Variants in TRABD2B observed in about 807,000 individuals in gnomAD.
The protein encoded by TRABD2B is metalloprotease TIKI2.
Under a neutral mutation model 40.1 loss-of-function variants are expected in TRABD2B, and 14 were observed. That is an observed-to-expected ratio of 0.35 (90% CI 0.23 to 0.55). The LOEUF is 0.55. Ranked by LOEUF, TRABD2B falls within the 20% of genes least tolerant of loss-of-function variation. The pLI is 0.90. For synonymous variants in TRABD2B, 263 were observed against 277.0 expected (o/e 0.95, Z 0.50); for missense variants, 541 against 648.6 (o/e 0.83, Z 1.80).
intron 2 of TRABD2B, among the ~76,000 whole-genome samples, chr1:47,923,937 C>G (rs943492975): frequency 6.7e-6 from 1 of 150,038 alleles, no homozygotes; most frequent in Non-Finnish European, 1.5e-5. Context: ...CACACACACA[C>G]ACACACACAC....
chr1:47,888,541 G>T (rs999576649), intron 2 of TRABD2B, among the ~76,000 whole-genome samples: 4 of 152,198 alleles, frequency 2.6e-5, no homozygotes, highest in Non-Finnish European at 5.9e-5. Flanking sequence ...CCCTTCTTCA[G>T]ATCTCCTCTG....
intron 2 of TRABD2B, among the ~76,000 whole-genome samples, chr1:47,861,019 G>A (rs1643959579): frequency 1.3e-5 from 2 of 152,150 alleles, no homozygotes; most frequent in African/African-American, 2.4e-5. Context: ...ATAGACCAAT[G>A]GAATGTTAGC....
intron 2 of TRABD2B, among the ~76,000 whole-genome samples, chr1:47,844,667 A>AT (rs1328789761): frequency 6.6e-6 from 1 of 152,188 alleles, no homozygotes; most frequent in African/African-American, 2.4e-5. Flanking sequence ...GCATAAAGTG[A>AT]TGTGAGTCCC....
intron 2 of TRABD2B, among the ~76,000 whole-genome samples, chr1:47,915,517 A>C (rs1003609842): frequency 1.3e-5 from 2 of 152,170 alleles, no homozygotes; most frequent in Non-Finnish European, 2.9e-5. Context: ...TTACTGACCC[A>C]TTTTACAGAT....
chr1:47,955,197 C>A lies in TRABD2B; in HGVS notation c.666+38837G>T, dbSNP rs183440727. 9.8e-5 allele frequency among the ~76,000 whole-genome samples: 15 copies of A among 152,308 alleles called. No individual in the cohort carries two copies. In the East Asian group the frequency reaches 2.7e-3, roughly 27 times the overall value. ...ACATTTCTCCCATCTCTCCTTTCCT[C>A]AGTTTCTACTGCCTCCACCTAAGCC... On this transcript the variant is annotated intron_variant, in intron 2 of 6. Coordinates refer to ENST00000606738, the MANE Select transcript of TRABD2B (RefSeq NM_001194986.2).
intron 2 of TRABD2B, among the ~76,000 whole-genome samples, chr1:47,863,822 A>G (rs1278228536): frequency 1.3e-5 from 2 of 152,226 alleles, no homozygotes; most frequent in Admixed American, 1.3e-4. Context: ...TTTGTTCATA[A>G]TTGACGGAAC....
intron 2 of TRABD2B, among the ~76,000 whole-genome samples, chr1:47,838,097 T>G (rs1211666984): frequency 6.6e-6 from 1 of 152,162 alleles, no homozygotes; most frequent in Non-Finnish European, 1.5e-5. Context: ...TACACAGCAC[T>G]CAAAGGAAGC....
chr1:47,990,867 G>T (rs1268381054), intron 2 of TRABD2B, among the ~76,000 whole-genome samples: 1 of 129,478 alleles, frequency 7.7e-6, no homozygotes, highest in Non-Finnish European at 1.6e-5. Flanking sequence ...GGCTGGGACT[G>T]ACACCTGGAA....
At chr1:47,860,359 G>A (rs1643949230) in intron 2 of TRABD2B, among the ~76,000 whole-genome samples, 1 of 152,130 alleles carries the variant, frequency 6.6e-6, no homozygotes, top group Non-Finnish European at 1.5e-5. Context: ...CCATTACTGT[G>A]ACCTATGTGA....
intron 2 of TRABD2B, among the ~76,000 whole-genome samples, chr1:47,944,488 C>A (rs1645232436): frequency 6.6e-6 from 1 of 152,068 alleles, no homozygotes; most frequent in Non-Finnish European, 1.5e-5. Flanking sequence ...AGGCAAAGGA[C>A]AGAAGAAGCA....
intron 5 of TRABD2B, among the ~76,000 whole-genome samples, chr1:47,775,915 G>A (rs143925979): frequency 2.0e-5 from 3 of 152,194 alleles, no homozygotes; most frequent in African/African-American, 4.8e-5. Flanking sequence ...AAGACGTGAG[G>A]GAGCGAGCCC....
At chr1:47,795,652 G>A in intron 3 of TRABD2B, 1 of 985,240 alleles carries the variant, frequency 1.0e-6, no homozygotes, top group South Asian at 4.7e-5. Flanking sequence ...GATGGGGGCT[G>A]TCATGGGCTA....
At chr1:47,975,702 G>C (rs111243080) in intron 2 of TRABD2B, among the ~76,000 whole-genome samples, 3 of 152,186 alleles carry the variant, frequency 2.0e-5, no homozygotes, top group African/African-American at 7.2e-5. Context: ...GCCAGCTCTT[G>C]TCCTAGAGCG....
chr1:47,807,703 C>T (rs563986221), intron 2 of TRABD2B, among the ~76,000 whole-genome samples: 1 of 152,028 alleles, frequency 6.6e-6, no homozygotes, highest in Admixed American at 6.5e-5. Flanking sequence ...TATCATATAA[C>T]ATAAGATATA....
intron 2 of TRABD2B, among the ~76,000 whole-genome samples, chr1:47,834,877 C>T (rs1228103171): frequency 1.3e-5 from 2 of 151,960 alleles, no homozygotes; most frequent in African/African-American, 2.4e-5. Flanking sequence ...ACTAGAAATA[C>T]ATAGAAACAA....
chr1:47,903,076 G>A (rs955432760), intron 2 of TRABD2B, among the ~76,000 whole-genome samples: 1 of 152,086 alleles, frequency 6.6e-6, no homozygotes, highest in African/African-American at 2.4e-5. Flanking sequence ...GTGTTCCCAA[G>A]GCTGAGTGAG....
intron 2 of TRABD2B, among the ~76,000 whole-genome samples, chr1:47,826,939 G>C (rs1441302933): frequency 6.6e-6 from 1 of 152,184 alleles, no homozygotes; most frequent in East Asian, 1.9e-4. Flanking sequence ...CAGGACTCTT[G>C]AGTTCTATTT....
intron 2 of TRABD2B, among the ~76,000 whole-genome samples, chr1:47,828,571 C>T (rs980505628): frequency 1.3e-4 from 20 of 152,198 alleles, no homozygotes; most frequent in African/African-American, 4.6e-4. Context: ...AAATGATTCC[C>T]TTTTGTGGCC....
intron 2 of TRABD2B, among the ~76,000 whole-genome samples, chr1:47,901,606 G>A (rs1384579167): frequency 2.6e-5 from 4 of 152,216 alleles, no homozygotes; most frequent in South Asian, 2.1e-4. Flanking sequence ...TGAACAAGAC[G>A]TAGCCCCTGC....
Sources: allele counts gnomAD v4.1 joint callset (sites outside exome capture counted in the v4.1 genomes callset), GRCh38; gene constraint gnomAD v4.1.1; transcripts MANE v1.5; gene names NCBI Gene and HGNC (gene_info 2026-07-23, HGNC 2026-07-21).